UNC13C: variants seen among roughly 807,000 people sequenced by gnomAD.
UNC13C encodes protein unc-13 homolog C.
Under a neutral mutation model 245.4 loss-of-function variants are expected in UNC13C, and 174 were observed. The ratio of observed to expected loss-of-function variants is 0.71; its 90% CI spans 0.63 to 0.80. The LOEUF is 0.80. Ranked by LOEUF, UNC13C falls within the 30% of genes least tolerant of loss-of-function variation. The pLI is 0.00. For missense variants in UNC13C, 2,829 were observed against 2,602.9 expected (o/e 1.09, Z -1.89); for synonymous variants, 992 against 895.1 (o/e 1.11, Z -1.93).
At chr15:54,569,919 C>T (rs940894286) in intron 30 of UNC13C, among the ~76,000 whole-genome samples, 1 of 152,074 alleles carries the variant, frequency 6.6e-6, no homozygotes, top group Non-Finnish European at 1.5e-5. Flanking sequence ...TCCAGCCCTC[C>T]TATCCACCCT....
At chr15:54,415,142 G>A (rs1248118304) in intron 19 of UNC13C, 75 bp downstream of exon 19, 10 of 1,091,884 alleles carry the variant, frequency 9.2e-6, no homozygotes, top group Non-Finnish European at 1.3e-5. Flanking sequence ...GGCTTTAAAT[G>A]TTGAGAATTG....
At chr15:54,600,850 C>T (rs752786536) in intron 30 of UNC13C, among the ~76,000 whole-genome samples, 22 of 152,146 alleles carry the variant, frequency 1.4e-4, no homozygotes, top group African/African-American at 3.1e-4. Flanking sequence ...GCATTGGATA[C>T]GTAAGCCCAT....
chr15:54,439,554 A>C (rs1336960069), intron 19 of UNC13C, among the ~76,000 whole-genome samples: 1 of 151,974 alleles, frequency 6.6e-6, no homozygotes. Context: ...ATAAGCATAC[A>C]AAATTTTATA....
chr15:54,084,532 T>C (rs1330217243), intron 2 of UNC13C, among the ~76,000 whole-genome samples: 1 of 152,248 alleles, frequency 6.6e-6, no homozygotes, highest in African/African-American at 2.4e-5. Context: ...TCTGAATGTG[T>C]CCCCTTTATG....
intron 7 of UNC13C, among the ~76,000 whole-genome samples, chr15:54,247,535 A>T (rs1018640309): frequency 6.6e-6 from 1 of 152,176 alleles, no homozygotes; most frequent in East Asian, 1.9e-4. Flanking sequence ...TTTATTTCAG[A>T]GTAATTTTCA....
chr15:54,621,479 C>A (rs1440930820), intron 30 of UNC13C, among the ~76,000 whole-genome samples: 2 of 138,786 alleles, frequency 1.4e-5, no homozygotes, highest in African/African-American at 5.4e-5. Flanking sequence ...AGCCTGTAGT[C>A]GTTGATGTAG....
intron 30 of UNC13C, among the ~76,000 whole-genome samples, chr15:54,602,037 C>T (rs1850994): frequency 0.7 from 106,852 of 151,972 alleles, 37,546 homozygotes; most frequent in East Asian, 0.76. Context: ...GTCTTGCCCT[C>T]GCTAGCTCCT....
intron 2 of UNC13C, among the ~76,000 whole-genome samples, chr15:54,017,292 G>A (rs1336619398): frequency 6.6e-6 from 1 of 152,116 alleles, no homozygotes; most frequent in Admixed American, 6.6e-5. Flanking sequence ...GTAGTCAAAT[G>A]TTATGCAAAT....
intron 10 of UNC13C, among the ~76,000 whole-genome samples, chr15:54,272,149 A>G (rs1212007462): frequency 1.3e-5 from 2 of 152,182 alleles, no homozygotes; most frequent in African/African-American, 4.8e-5. Context: ...GACAGACAGT[A>G]ACACTAAACT....
intron 18 of UNC13C, among the ~76,000 whole-genome samples, chr15:54,397,665 GT>G (rs2040097891): frequency 6.6e-6 from 1 of 151,328 alleles, no homozygotes; most frequent in Non-Finnish European, 1.5e-5. Context: ...AACATGGCAT[GT>G]ACATGCATTA....
intron 11 of UNC13C, among the ~76,000 whole-genome samples, chr15:54,297,241 G>T (rs2037459973): frequency 6.6e-6 from 1 of 152,118 alleles, no homozygotes; most frequent in Non-Finnish European, 1.5e-5. Flanking sequence ...TATGAGAATT[G>T]CAGGGTCTTC....
the UNC13C span, among the ~76,000 whole-genome samples, chr15:53,881,191 T>G: frequency 2.1e-4 from 32 of 152,144 alleles, no homozygotes; most frequent in African/African-American, 6.3e-4. Context: ...TTTCTTTTGC[T>G]CTGTGAAGGA....
In UNC13C at chr15:54,281,547, T is replaced by C. The variant is rs75203902; in HGVS notation, c.3819-12348T>C. 3.8e-3 allele frequency among the ~76,000 whole-genome samples: 572 copies of C among 152,348 alleles called. 10 individuals are homozygous for C. The highest frequency in any genetic ancestry group is 0.013 in the African/African-American group (548 of 41,574). ...CTCTTCTATTCCTTAACTGCTGTTA[T>C]AGTTTTCTGGTAATTTACAGAATGC... On this transcript the variant is annotated intron_variant, in intron 10 of 32. Transcript: ENST00000260323.
chr15:54,558,804 C>A (rs763332965), intron 29 of UNC13C, among the ~76,000 whole-genome samples: 6 of 151,910 alleles, frequency 3.9e-5, no homozygotes, highest in Non-Finnish European at 8.8e-5. Context: ...AAAGTGGCAG[C>A]TATGAGACAG....
At chr15:54,422,742 C>G (rs2040674549) in intron 19 of UNC13C, among the ~76,000 whole-genome samples, 1 of 151,770 alleles carries the variant, frequency 6.6e-6, no homozygotes, top group African/African-American at 2.4e-5. Context: ...ACAACCCTAC[C>G]CTGACCATCC....
chr15:54,366,540 AT>A (rs553878175), intron 17 of UNC13C, among the ~76,000 whole-genome samples: 12 of 151,670 alleles, frequency 7.9e-5, no homozygotes, highest in East Asian at 7.8e-4. Flanking sequence ...GTTTTTTGTT[AT>A]TTTTTTTGAT....
chr15:54,343,901 G>T (rs1024207498), intron 17 of UNC13C, among the ~76,000 whole-genome samples: 1 of 152,118 alleles, frequency 6.6e-6, no homozygotes, highest in Non-Finnish European at 1.5e-5. Flanking sequence ...GGTAAGGGGG[G>T]GTCCTGGCTA....
Position 54,623,869 on chromosome 15 carries a change from C to A in UNC13C, c.6274C>A (p.Pro2092Thr). Reference protein sequence around the residue: ...RPFVEVCILGPNLGDKKRKQG... With the variant: ...RPFVEVCILGTNLGDKKRKQG... The stretch of plus-strand genomic sequence containing the variant: ...CTTTGTGGAAGTTTGTATACTGGGA[C>A]CCAACCTTGGAGACAAGAAGAGAAA... The change falls in exon 32 of 33, where the codon CCC becomes ACC. Residue 2092 changes from proline to threonine, a missense_variant. Pro to Thr is a conservative substitution (Grantham distance 38). Coordinates refer to ENST00000260323, the MANE Select transcript of UNC13C (RefSeq NM_001080534.3). The A allele has an allele frequency of 1.2e-6, 2 of 1,613,174 alleles. No homozygotes were observed. Among genetic ancestry groups the A allele is most frequent in the African/African-American group, 2.7e-5 (2 of 74,956 alleles).
chr15:54,075,464 G>GCC (rs1313951118), intron 2 of UNC13C, among the ~76,000 whole-genome samples: 35 of 145,144 alleles, frequency 2.4e-4, no homozygotes, highest in Non-Finnish European at 3.6e-4. Context: ...CTTGCAGTGA[G>GCC]CCGGAGCTTG....
Sources: allele counts gnomAD v4.1 joint callset (sites outside exome capture counted in the v4.1 genomes callset), GRCh38; gene constraint gnomAD v4.1.1; transcripts MANE v1.5; gene names NCBI Gene and HGNC (gene_info 2026-07-23, HGNC 2026-07-21).